TEAD4: variants seen among roughly 807,000 people sequenced by gnomAD.
TEAD4 encodes the protein transcriptional enhancer factor TEF-3.
TEAD4 carries 36 observed loss-of-function variants against 52.4 expected under a neutral mutation model. The ratio of observed to expected loss-of-function variants is 0.69; its 90% CI spans 0.53 to 0.91. The LOEUF is 0.91. Ranked by LOEUF, TEAD4 falls within the 40% of genes least tolerant of loss-of-function variation. TEAD4 has a pLI of 0.00. For missense variants in TEAD4, 508 were observed against 583.9 expected, an observed-to-expected ratio of 0.87 and a Z score of 1.34; for synonymous variants, 220 against 231.0, an observed-to-expected ratio of 0.95 and a Z score of 0.43.
intron 4 of TEAD4, among the ~76,000 whole-genome samples, chr12:3,011,840 A>G (rs1295173765): frequency 6.6e-6 from 1 of 151,578 alleles, no homozygotes; most frequent in Admixed American, 6.6e-5. Context: ...TAATTTTTGT[A>G]TTTTTAGTAG....
intron 2 of TEAD4, among the ~76,000 whole-genome samples, chr12:2,993,378 T>G (rs933611561): frequency 5.9e-5 from 9 of 152,234 alleles, no homozygotes; most frequent in Non-Finnish European, 2.9e-5. Flanking sequence ...TGCTAACTCC[T>G]GGACTCAAAT....
At chr12:2,997,229 G>A (rs185280859) in intron 3 of TEAD4, among the ~76,000 whole-genome samples, 431 of 152,322 alleles carry the variant, frequency 2.8e-3, no homozygotes, top group African/African-American at 1.0e-2. Flanking sequence ...ATGAAGAAGA[G>A]TGACCTGGAT....
At chr12:2,986,041 G>A (rs534446310) in intron 2 of TEAD4, among the ~76,000 whole-genome samples, 16 of 151,998 alleles carry the variant, frequency 1.1e-4, no homozygotes, top group East Asian at 2.0e-4. Context: ...AGCTGAGATC[G>A]CGTCACTGCA....
At chr12:3,031,484 A>G (rs2098275501) in intron 10 of TEAD4, among the ~76,000 whole-genome samples, 1 of 152,048 alleles carries the variant, frequency 6.6e-6, no homozygotes, top group African/African-American at 2.4e-5. Context: ...TCTTCTAGCC[A>G]CCCTCCAGAT....
At chr12:2,989,592 C>G (rs543053221) in intron 2 of TEAD4, among the ~76,000 whole-genome samples, 1 of 152,266 alleles carries the variant, frequency 6.6e-6, no homozygotes, top group East Asian at 1.9e-4. Flanking sequence ...GCGCCCACCA[C>G]CACGCCCAGC....
intron 10 of TEAD4, among the ~76,000 whole-genome samples, chr12:3,022,322 C>T (rs1466992793): frequency 1.3e-5 from 2 of 152,164 alleles, no homozygotes; most frequent in African/African-American, 2.4e-5. Context: ...AAAAGACAAA[C>T]GGGACCCTGC....
chr12:2,979,612 AT>A (rs965987961), intron 2 of TEAD4, among the ~76,000 whole-genome samples: 3 of 152,166 alleles, frequency 2.0e-5, no homozygotes, highest in African/African-American at 7.2e-5. Flanking sequence ...GGGGTTAGAA[AT>A]TTTAGCAAGT....
intron 5 of TEAD4, among the ~76,000 whole-genome samples, chr12:3,014,616 A>G (rs1380062189): frequency 6.6e-6 from 1 of 152,192 alleles, no homozygotes; most frequent in Non-Finnish European, 1.5e-5. Context: ...GTGCTTGGGC[A>G]GAGTCACTGG....
In TEAD4 at chr12:3,019,069, G is replaced by A. The variant is rs201447129; in HGVS notation, c.528-46G>A. On this transcript the variant is annotated intron_variant, in intron 7 of 12. Coordinates refer to ENST00000359864, the MANE Select transcript of TEAD4 (RefSeq NM_003213.4). ...TGGACCCAGTGCAGGGATCCGGGGC[G>A]GTGGCCTGCCCGAGGCTGACACCTC... The A allele has an allele frequency of 2.2e-5, 35 of 1,609,172 alleles. No individual in the cohort carries two copies. In the African/African-American group the frequency reaches 3.3e-4, roughly 15 times the overall value.
rs567459473 is a variant in TEAD4 at position 2,993,888 on chromosome 12, C to T, written c.-29-850C>T. The stretch of plus-strand genomic sequence containing the variant: ...TCCTAAAGGTCCGTCTGTGCTGCAG[C>T]ACGTGTCCCGGTTGCCTTCCTTTTT... On this transcript the variant is annotated intron_variant, in intron 2 of 12. Coordinates refer to ENST00000359864, the MANE Select transcript of TEAD4 (RefSeq NM_003213.4). Among the ~76,000 whole-genome samples the T allele has an allele frequency of 2.6e-3, 389 of 152,344 alleles. 1 individual carries two copies. Among genetic ancestry groups the T allele is most frequent in the African/African-American group, 8.3e-3 (345 of 41,580 alleles).
intron 5 of TEAD4, among the ~76,000 whole-genome samples, chr12:3,015,199 C>G (rs1031832756): frequency 6.6e-6 from 1 of 152,136 alleles, no homozygotes; most frequent in African/African-American, 2.4e-5. Flanking sequence ...GGAACAGTTC[C>G]CTACTCCCCA....
intron 10 of TEAD4, among the ~76,000 whole-genome samples, chr12:3,034,821 C>T (rs1288424799): frequency 4.6e-5 from 7 of 152,068 alleles, no homozygotes; most frequent in Non-Finnish European, 1.0e-4. Context: ...AGGCCAGACG[C>T]GGTGGCTCAC....
At chr12:2,965,358 C>T (rs1162570614) in intron 2 of TEAD4, among the ~76,000 whole-genome samples, 5 of 151,428 alleles carry the variant, frequency 3.3e-5, no homozygotes, top group Non-Finnish European at 5.9e-5. Context: ...TAGGGTCTCG[C>T]TTTGTTGTCC....
At chr12:2,964,775 T>C (rs2098218890) in intron 2 of TEAD4, among the ~76,000 whole-genome samples, 2 of 151,738 alleles carry the variant, frequency 1.3e-5, no homozygotes, top group South Asian at 4.2e-4. Flanking sequence ...CGCCTGGCCA[T>C]GGGGGATTTC....
rs142349989 is a variant in TEAD4 at position 3,018,690 on chromosome 12, G to A, written c.527+102G>A. On this transcript the variant is annotated intron_variant, in intron 7 of 12. Transcript: ENST00000359864. ...CTGGGCCCCAGGGTGTGCTGGGGCC[G>A]CTGCTGGGGTCGGCCTTTCAGGATG... is the stretch of plus-strand genomic sequence containing the variant. 9.9e-5 allele frequency: 144 copies of A among 1,461,512 alleles called. No individual in the cohort carries two copies. The Middle Eastern group carries it at 1.2e-3, about 12-fold the overall frequency. 90.5% of individuals were successfully genotyped at this position (1,461,512 alleles called of 1,614,324 possible). A position where few individuals can be genotyped will look rare whatever the true frequency, so the allele number is the denominator to read the frequency against.
intron 2 of TEAD4, among the ~76,000 whole-genome samples, chr12:2,987,902 TA>T (rs2153954713): frequency 6.6e-6 from 1 of 151,112 alleles, no homozygotes; most frequent in African/African-American, 2.4e-5. Flanking sequence ...CTGTCTCTAC[TA>T]AAAATATAAA....
chr12:3,036,611 A>G (rs2098279591), intron 10 of TEAD4, among the ~76,000 whole-genome samples: 2 of 152,202 alleles, frequency 1.3e-5, no homozygotes, highest in Admixed American at 1.3e-4. Context: ...CGCTCTGGGC[A>G]CAGCTTGCAG....
chr12:3,011,479 G>T (rs754630029), intron 4 of TEAD4, among the ~76,000 whole-genome samples: 2 of 151,858 alleles, frequency 1.3e-5, no homozygotes, highest in East Asian at 3.9e-4. Flanking sequence ...TAATCCACCC[G>T]CCTTGGCCTC....
At chr12:2,992,000 G>C (rs531763383) in intron 2 of TEAD4, among the ~76,000 whole-genome samples, 17 of 125,254 alleles carry the variant, frequency 1.4e-4, no homozygotes, top group South Asian at 7.1e-4. Flanking sequence ...GTGGGGGTTG[G>C]GGGGGGCGGT....
Sources: allele counts gnomAD v4.1 joint callset (sites outside exome capture counted in the v4.1 genomes callset), GRCh38; gene constraint gnomAD v4.1.1; transcripts MANE v1.5; gene names NCBI Gene and HGNC (gene_info 2026-07-23, HGNC 2026-07-21).